CSMD2: variants seen among roughly 807,000 people sequenced by gnomAD.
The protein encoded by CSMD2 is CUB and Sushi multiple domains 2, also known as CUB and sushi domain-containing protein 2.
A neutral mutation model predicts 398.5 loss-of-function variants in CSMD2; 130 were observed. The observed-to-expected ratio is 0.33, with a 90% CI of 0.28 to 0.38. The LOEUF is 0.38. Among genes scored for constraint, CSMD2 ranks in the 10% least tolerant of loss-of-function variants. The probability of loss-of-function intolerance (pLI) is 1.00; values close to 1 mark genes in which losing one functional copy is unlikely to be tolerated. For missense variants in CSMD2, 3,829 were observed against 4,764.9 expected (o/e 0.80, Z 5.78); for synonymous variants, 1,828 against 1,908.5 (o/e 0.96, Z 1.10).
intron 15 of CSMD2, among the ~76,000 whole-genome samples, 171 bp from the exon 16 acceptor site, chr1:33,726,856 C>A (rs945558158): frequency 1.3e-5 from 2 of 152,098 alleles, no homozygotes; most frequent in African/African-American, 4.8e-5. Context: ...TGGGTAGGTC[C>A]AGTTATATCA....
chr1:33,911,153 C>T (rs1489293746), intron 5 of CSMD2, among the ~76,000 whole-genome samples: 2 of 152,138 alleles, frequency 1.3e-5, no homozygotes, highest in Admixed American at 1.3e-4. Context: ...TGGCTTTGTC[C>T]CTCTAGCACC....
At chr1:33,549,452 G>A (rs1365132843) in intron 56 of CSMD2, among the ~76,000 whole-genome samples, 1 of 152,208 alleles carries the variant, frequency 6.6e-6, no homozygotes, top group Non-Finnish European at 1.5e-5. Context: ...TCTGCTATTG[G>A]CAGGACAATT....
chr1:33,827,159 T>C (rs1222948468), intron 6 of CSMD2, among the ~76,000 whole-genome samples: 8 of 152,196 alleles, frequency 5.3e-5, no homozygotes, highest in Admixed American at 1.3e-4. Context: ...CCCTATATAG[T>C]CTGTCCTTAG....
At position 33,669,112 on chromosome 1, in the gene CSMD2, C is replaced by T. The variant is rs141922263; in HGVS notation, c.4053-6020G>A. Among the ~76,000 whole-genome samples the T allele has an allele frequency of 1.7e-3, 261 of 152,252 alleles. 1 individual carries two copies. The highest frequency in any genetic ancestry group is 9.7e-3 in the South Asian group (47 of 4,824). Reference sequence around the variant, plus strand: ...ATTTTGCTGTGGAGGAACTGAAGTTCCAAGGGATTAACAGAGGCAACTAGC... The same window carrying T: ...ATTTTGCTGTGGAGGAACTGAAGTTTCAAGGGATTAACAGAGGCAACTAGC... On this transcript the variant is annotated intron_variant, in intron 25 of 70. Transcript: ENST00000373381.
intron 29 of CSMD2, among the ~76,000 whole-genome samples, 154 bp downstream of exon 29, chr1:33,646,494 A>T (rs1643435955): frequency 6.6e-6 from 1 of 152,216 alleles, no homozygotes. Context: ...TGGGGGCCGC[A>T]GGAAAGGCAG....
At position 33,519,392 on chromosome 1, in the gene CSMD2, G is replaced by T. The variant is rs1243915733; in HGVS notation, c.*53+73C>A. ...TATGTGGTGTGTGCGACTCCGTTGGGTGGAGCCCCTGGCACGCATAGGTCC... is the reference window on the plus strand; with the variant it reads ...TATGTGGTGTGTGCGACTCCGTTGGTTGGAGCCCCTGGCACGCATAGGTCC... On this transcript the variant is annotated intron_variant, in intron 70 of 70. Coordinates refer to ENST00000373381, the MANE Select transcript of CSMD2 (RefSeq NM_001281956.2). This position sits in a 1 kb window ranked among gnomAD's most constrained non-coding sequence, Gnocchi z 5.6. 2 of 908,226 alleles carry T rather than the reference G, an allele frequency of 2.2e-6. No individual in the cohort carries two copies. The highest frequency in any genetic ancestry group is 3.4e-6 in the Non-Finnish European group (2 of 581,132). 56.3% of individuals were successfully genotyped at this position (908,226 alleles called of 1,614,324 possible). A position where few individuals can be genotyped will look rare whatever the true frequency, so the allele number is the denominator to read the frequency against.
chr1:33,767,945 T>G (rs1459191934), intron 13 of CSMD2, among the ~76,000 whole-genome samples: 1 of 152,194 alleles, frequency 6.6e-6, no homozygotes, highest in African/African-American at 2.4e-5. Context: ...GGGTGCAAAT[T>G]GCTGCTCTGT....
chr1:34,105,310 T>C (rs1162087628), intron 1 of CSMD2, among the ~76,000 whole-genome samples: 1 of 150,902 alleles, frequency 6.6e-6, no homozygotes, highest in Non-Finnish European at 1.5e-5. Flanking sequence ...ACCCACTGAA[T>C]GCCAGTAGCA....
intron 3 of CSMD2, among the ~76,000 whole-genome samples, chr1:33,963,113 C>T (rs1645425482): frequency 6.6e-6 from 1 of 152,218 alleles, no homozygotes; most frequent in Non-Finnish European, 1.5e-5. Flanking sequence ...CTTCCTCACC[C>T]TGGATCCAAC....
chr1:34,065,806 C>A (rs1354873398), intron 2 of CSMD2, among the ~76,000 whole-genome samples: 1 of 152,118 alleles, frequency 6.6e-6, no homozygotes, highest in African/African-American at 2.4e-5. Flanking sequence ...TACCCTGGGG[C>A]TCAAAGATGA....
chr1:34,086,738 C>A (rs899472730), intron 2 of CSMD2, among the ~76,000 whole-genome samples: 5 of 152,208 alleles, frequency 3.3e-5, no homozygotes, highest in African/African-American at 1.2e-4. Flanking sequence ...CCCTTTCACT[C>A]CATTTTCCCC....
intron 15 of CSMD2, among the ~76,000 whole-genome samples, chr1:33,734,901 T>C (rs1340659617): frequency 6.6e-6 from 1 of 152,244 alleles, no homozygotes; most frequent in Non-Finnish European, 1.5e-5. Context: ...CAGCTCTTTG[T>C]CTTTTAATAG....
At chr1:33,771,543 C>T (rs553792) in intron 13 of CSMD2, among the ~76,000 whole-genome samples, 19 of 151,868 alleles carry the variant, frequency 1.3e-4, no homozygotes, top group Non-Finnish European at 2.5e-4. Context: ...TGTTGGACAA[C>T]GTGATTTTTT....
chr1:34,007,870 T>G (rs548284134), intron 3 of CSMD2, among the ~76,000 whole-genome samples: 1 of 152,366 alleles, frequency 6.6e-6, no homozygotes, highest in African/African-American at 2.4e-5. Context: ...TTCTTCTTTG[T>G]GCTCTTGTGA....
At chr1:33,885,180 C>T (rs937751367) in intron 5 of CSMD2, 3 of 152,188 alleles carry the variant, frequency 2.0e-5, no homozygotes, top group African/African-American at 7.2e-5. Context: ...ACGGGTGATT[C>T]TTAAGCCCAC....
At chr1:33,847,385 G>A (rs1638337439) in intron 5 of CSMD2, among the ~76,000 whole-genome samples, 1 of 151,704 alleles carries the variant, frequency 6.6e-6, no homozygotes, top group African/African-American at 2.4e-5. Context: ...ACTTTGGGAA[G>A]CCCCTTAAGT....
chr1:33,888,416 G>C (rs562752832), intron 5 of CSMD2, among the ~76,000 whole-genome samples: 1 of 152,228 alleles, frequency 6.6e-6, no homozygotes, highest in East Asian at 1.9e-4. Flanking sequence ...CACAGAAATA[G>C]ATTAACAGAG....
At chr1:33,682,619 G>A (rs909070680) in intron 25 of CSMD2, among the ~76,000 whole-genome samples, 1 of 152,142 alleles carries the variant, frequency 6.6e-6, no homozygotes, top group African/African-American at 2.4e-5. Flanking sequence ...TAGTTGTGGT[G>A]GTTTTGTAAA....
intron 25 of CSMD2, among the ~76,000 whole-genome samples, chr1:33,683,259 T>G (rs547104007): frequency 6.6e-6 from 1 of 152,236 alleles, no homozygotes; most frequent in Non-Finnish European, 1.5e-5. Context: ...TGATCATGCA[T>G]ATTTCTTATA....
Sources: allele counts gnomAD v4.1 joint callset (sites outside exome capture counted in the v4.1 genomes callset), GRCh38; gene constraint gnomAD v4.1.1; non-coding constraint Gnocchi (gnomAD v3.1); transcripts MANE v1.5; gene names NCBI Gene and HGNC (gene_info 2026-07-23, HGNC 2026-07-21).